Variants in CGNL1 observed in about 807,000 individuals in gnomAD.
CGNL1 encodes the protein cingulin-like protein 1.
CGNL1 carries 132 observed loss-of-function variants against 141.2 expected under a neutral mutation model. The ratio of observed to expected loss-of-function variants is 0.93; its 90% CI spans 0.81 to 1.08. CGNL1 has a LOEUF of 1.08. Among genes scored for constraint, CGNL1 ranks in the 50% least tolerant of loss-of-function variants. CGNL1 has a pLI of 0.00. For missense variants in CGNL1, 1,870 were observed against 1,588.6 expected (o/e 1.18, Z -3.01); for synonymous variants, 690 against 622.1 (o/e 1.11, Z -1.63).
chr15:57,391,579 C>G (rs151152942), intron 1 of CGNL1, among the ~76,000 whole-genome samples: 35 of 152,220 alleles, frequency 2.3e-4, no homozygotes, highest in Admixed American at 6.5e-4. Context: ...CTTTTACTTG[C>G]AAGTAAACAA....
Position 57,543,712 on chromosome 15 carries a change from A to T in CGNL1, c.3308A>T (p.Asn1103Ile). 6.2e-7 allele frequency: 1 copy of T among 1,613,912 alleles called. No individual in the cohort carries two copies. Among genetic ancestry groups the T allele is most frequent in the Non-Finnish European group, 8.5e-7 (1 of 1,179,856 alleles). ...RSREQMEQLR[N>I]ELLQERAARQ... ...TTGCTGTAGATGGAGCAGTTGAGGA[A>T]TGAGCTACTTCAGGAGAGAGCTGCG... The change falls in exon 15 of 19, where the codon AAT (asparagine) becomes ATT (isoleucine). Residue 1103 changes from asparagine (N) to isoleucine (I), a missense_variant. Coordinates refer to ENST00000281282, the MANE Select transcript of CGNL1 (RefSeq NM_032866.5).
At position 57,439,188 on chromosome 15, in the gene CGNL1, C is replaced by A; in HGVS notation, c.1189C>A (p.Leu397Ile). The change falls in exon 2 of 19, where the codon CTC (leucine) becomes ATC (isoleucine). Residue 397 changes from leucine (L) to isoleucine (I), a missense_variant. Coordinates refer to ENST00000281282, the MANE Select transcript of CGNL1 (RefSeq NM_032866.5). ...RSVDSAFPFG[L>I]QGNSEYLIEF... The stretch of plus-strand genomic sequence containing the variant: ...CGTGGATAGCGCCTTTCCTTTTGGC[C>A]TCCAAGGGAACTCGGAGTACCTGAT... 1 of 1,614,174 alleles carries A rather than the reference C, an allele frequency of 6.2e-7. No homozygotes were observed. Among genetic ancestry groups the A allele is most frequent in the Non-Finnish European group, 8.5e-7 (1 of 1,180,032 alleles).
chr15:57,447,456 C>A (rs1325719320), intron 4 of CGNL1, among the ~76,000 whole-genome samples: 1 of 152,150 alleles, frequency 6.6e-6, no homozygotes, highest in East Asian at 1.9e-4. Context: ...CGTCTTTTGA[C>A]CTCAGTTGGC....
intron 1 of CGNL1, among the ~76,000 whole-genome samples, chr15:57,431,562 C>T (rs796953727): frequency 6.6e-6 from 1 of 152,338 alleles, no homozygotes; most frequent in South Asian, 2.1e-4. Context: ...ATACAAAATT[C>T]TGTCTTCCCA....
intron 14 of CGNL1, among the ~76,000 whole-genome samples, chr15:57,539,420 G>A (rs980351171): frequency 6.6e-6 from 1 of 152,086 alleles, no homozygotes; most frequent in Middle Eastern, 3.4e-3. Flanking sequence ...CTCCCTTCTC[G>A]ATGTCCACTG....
At chr15:57,499,778 A>G (rs1239290955) in intron 8 of CGNL1, among the ~76,000 whole-genome samples, 2 of 152,204 alleles carry the variant, frequency 1.3e-5, no homozygotes, top group African/African-American at 2.4e-5. Context: ...ATATTATACC[A>G]AGGTCTGTAA....
intron 8 of CGNL1, among the ~76,000 whole-genome samples, chr15:57,511,610 C>A (rs913098203): frequency 2.0e-5 from 3 of 152,222 alleles, no homozygotes; most frequent in Non-Finnish European, 4.4e-5. Flanking sequence ...CGTTTCCTCA[C>A]ATTACACATA....
chr15:57,485,768 T>C (rs1364183968), intron 8 of CGNL1, among the ~76,000 whole-genome samples: 3 of 152,260 alleles, frequency 2.0e-5, no homozygotes, highest in African/African-American at 7.2e-5. Flanking sequence ...CACCACCTTT[T>C]TCCTCTCTCA....
chr15:57,545,625 G>C lies in CGNL1; in HGVS notation c.3534G>C (p.Arg1178=). 3 of 1,613,722 alleles carry C rather than the reference G, an allele frequency of 1.9e-6. No individual in the cohort carries two copies. The highest frequency in any genetic ancestry group is 1.7e-6 in the Non-Finnish European group (2 of 1,179,940). ...CCAATCTTCAGCTCAGCAACCGGCGGCTGGAGCGGAAAGTGAAGGAGCTGG... is the reference window on the plus strand; with the variant it reads ...CCAATCTTCAGCTCAGCAACCGGCGCCTGGAGCGGAAAGTGAAGGAGCTGG... ...DRANLQLSNR[R]LERKVKELVM... The change falls in exon 17 of 19, where the codon CGG becomes CGC. Residue 1178 remains arginine (R), a synonymous_variant. Coordinates refer to ENST00000281282, the MANE Select transcript of CGNL1 (RefSeq NM_032866.5).
At chr15:57,505,006 C>G (rs2064081621) in intron 8 of CGNL1, among the ~76,000 whole-genome samples, 1 of 151,952 alleles carries the variant, frequency 6.6e-6, no homozygotes, top group Non-Finnish European at 1.5e-5. Context: ...CCCTCCCACT[C>G]TGTCTGTCCC....
intron 1 of CGNL1, among the ~76,000 whole-genome samples, chr15:57,434,434 T>G (rs1193114956): frequency 2.0e-5 from 3 of 152,136 alleles, no homozygotes; most frequent in Non-Finnish European, 4.4e-5. Flanking sequence ...AATAAAATAG[T>G]AATCTGAACA....
intron 1 of CGNL1, among the ~76,000 whole-genome samples, chr15:57,437,628 A>T (rs747835820): frequency 0.029 from 2,008 of 69,138 alleles, 35 homozygotes; most frequent in Middle Eastern, 0.071. Context: ...GCAAAAAAAA[A>T]AAAAAAAAAA....
intron 13 of CGNL1, among the ~76,000 whole-genome samples, chr15:57,530,498 G>T (rs557593565): frequency 9.2e-5 from 14 of 152,276 alleles, no homozygotes; most frequent in African/African-American, 3.4e-4. Context: ...CAAGACTCAA[G>T]AGCTCTCCTA....
At chr15:57,491,168 A>G (rs1442206254) in intron 8 of CGNL1, among the ~76,000 whole-genome samples, 1 of 152,212 alleles carries the variant, frequency 6.6e-6, no homozygotes, top group African/African-American at 2.4e-5. Flanking sequence ...ATTCATTATG[A>G]CACATGTACC....
At chr15:57,544,971 G>A (rs756582788) in intron 16 of CGNL1, among the ~76,000 whole-genome samples, 69 of 152,298 alleles carry the variant, frequency 4.5e-4, no homozygotes, top group Non-Finnish European at 8.2e-4. Flanking sequence ...CTGCCCTGGC[G>A]GCCAGGTGTA....
intron 2 of CGNL1, among the ~76,000 whole-genome samples, chr15:57,439,906 G>T (rs1273880217): frequency 1.3e-5 from 2 of 152,172 alleles, no homozygotes; most frequent in South Asian, 2.1e-4. Context: ...CTGAAAGTAT[G>T]CAGAATTTGT....
intron 1 of CGNL1, among the ~76,000 whole-genome samples, chr15:57,436,860 T>C (rs1216171433): frequency 6.6e-6 from 1 of 152,110 alleles, no homozygotes; most frequent in African/African-American, 2.4e-5. Context: ...CATTAGATAA[T>C]AAATGATTTA....
rs577602468 is a variant in CGNL1 at position 57,473,362 on chromosome 15, C to T, written c.2403+11470C>T. ...GGCGTTATGATTTGATCACTTTAAG[C>T]AGAAAATGGAATATGTCATAAACTC... On this transcript the variant is annotated intron_variant, in intron 8 of 18. Coordinates refer to ENST00000281282, the MANE Select transcript of CGNL1 (RefSeq NM_032866.5). Among the ~76,000 whole-genome samples the T allele has an allele frequency of 3.9e-5, 6 of 152,200 alleles. No individual in the cohort carries two copies. The South Asian group carries it at 1.0e-3, about 26-fold the overall frequency.
intron 8 of CGNL1, among the ~76,000 whole-genome samples, chr15:57,509,046 TA>T (rs1459624527): frequency 6.6e-6 from 1 of 152,106 alleles, no homozygotes; most frequent in Non-Finnish European, 1.5e-5. Context: ...GAAGACACAA[TA>T]TGGGGGACTT....
Sources: allele counts gnomAD v4.1 joint callset (sites outside exome capture counted in the v4.1 genomes callset), GRCh38; gene constraint gnomAD v4.1.1; transcripts MANE v1.5; gene names NCBI Gene and HGNC (gene_info 2026-07-23, HGNC 2026-07-21).